The following PTCHD4 variants were observed in gnomAD, a reference collection of about 807,000 sequenced individuals.
PTCHD4 encodes patched domain-containing protein 4.
PTCHD4 carries 33 observed loss-of-function variants against 58.1 expected under a neutral mutation model. That is an observed-to-expected ratio of 0.57 (90% CI 0.43 to 0.76). PTCHD4 has a LOEUF of 0.76. Among genes scored for constraint, PTCHD4 ranks in the 30% least tolerant of loss-of-function variants. PTCHD4 has a pLI of 0.00. For missense variants in PTCHD4, 1,058 were observed against 1,027.1 expected, an observed-to-expected ratio of 1.03 and a Z score of -0.41; for synonymous variants, 478 against 409.6, an observed-to-expected ratio of 1.17 and a Z score of -2.02.
intron 1 of PTCHD4, among the ~76,000 whole-genome samples, chr6:48,095,392 A>G (rs1765444253): frequency 6.6e-6 from 1 of 152,174 alleles, no homozygotes; most frequent in South Asian, 2.1e-4. Flanking sequence ...TCTTTTAAAA[A>G]AGAAATATAG....
At chr6:47,945,129 G>A (rs766022142) in intron 4 of PTCHD4, among the ~76,000 whole-genome samples, 135 of 152,010 alleles carry the variant, frequency 8.9e-4, no homozygotes, top group Middle Eastern at 3.2e-3. Flanking sequence ...CATGGAAACC[G>A]AGAAGGAAAA....
At chr6:48,031,954 T>A (rs1315928217) in intron 3 of PTCHD4, among the ~76,000 whole-genome samples, 1 of 152,140 alleles carries the variant, frequency 6.6e-6, no homozygotes, top group Admixed American at 6.6e-5. Context: ...TCCAGTCAAG[T>A]TGAAGTTGCA....
chr6:48,028,906 C>T (rs569443787), intron 3 of PTCHD4, among the ~76,000 whole-genome samples: 2 of 152,132 alleles, frequency 1.3e-5, no homozygotes, highest in African/African-American at 4.8e-5. Flanking sequence ...AAAGGATTTG[C>T]TCTTTCACTC....
intron 3 of PTCHD4, among the ~76,000 whole-genome samples, chr6:48,056,634 G>A (rs1315610983): frequency 6.6e-6 from 1 of 152,220 alleles, no homozygotes; most frequent in East Asian, 1.9e-4. Flanking sequence ...CATATTAAGA[G>A]TAACTTAAAT....
intron 4 of PTCHD4, among the ~76,000 whole-genome samples, chr6:47,885,259 A>G (rs1764154257): frequency 6.6e-6 from 1 of 152,078 alleles, no homozygotes; most frequent in Admixed American, 6.6e-5. Context: ...AGATGAATAG[A>G]AATAATAAGG....
chr6:47,990,783 TGACAGGAAACAGGTATA>T (rs1405137683), intron 4 of PTCHD4, among the ~76,000 whole-genome samples: 1 of 152,190 alleles, frequency 6.6e-6, no homozygotes, highest in African/African-American at 2.4e-5. Flanking sequence ...TATCTTCAGA[TGACAGGAAACAGGTATA>T]GACATAGGCA....
intron 4 of PTCHD4, among the ~76,000 whole-genome samples, chr6:47,997,182 C>T (rs1205817199): frequency 1.3e-5 from 2 of 152,116 alleles, no homozygotes; most frequent in African/African-American, 4.8e-5. Context: ...TTTCAGTGAT[C>T]TCTTTTGTGT....
At position 47,926,465 on chromosome 6, in the gene PTCHD4, C is replaced by G. The variant is rs184995836; in HGVS notation, c.899-46529G>C. 1.1e-4 allele frequency among the ~76,000 whole-genome samples: 16 copies of G among 152,174 alleles called. No homozygotes were observed. In the East Asian group the frequency reaches 2.9e-3, roughly 28 times the overall value. ...TATGCATTGCTACTCAAAGTGTGTT[C>G]CCTGGATAAGCAGCATCAGCTTGAC... On this transcript the variant is annotated intron_variant, in intron 4 of 4. Coordinates refer to ENST00000339488, the MANE Select transcript of PTCHD4 (RefSeq NM_001384253.1).
chr6:48,110,740 AT>A (rs1765853721), intron 1 of PTCHD4, among the ~76,000 whole-genome samples: 1 of 148,828 alleles, frequency 6.7e-6, no homozygotes, highest in South Asian at 2.1e-4. Context: ...TTAAAGTAAC[AT>A]TTAAAAATAT....
intron 4 of PTCHD4, among the ~76,000 whole-genome samples, chr6:47,913,602 T>C (rs574285837): frequency 1.3e-5 from 2 of 152,238 alleles, no homozygotes; most frequent in East Asian, 1.9e-4. Context: ...CTGGGTTAGA[T>C]TGGTGTAGAT....
At chr6:48,081,286 G>A (rs1379779164) in intron 1 of PTCHD4, among the ~76,000 whole-genome samples, 1 of 152,180 alleles carries the variant, frequency 6.6e-6, no homozygotes, top group Non-Finnish European at 1.5e-5. Context: ...GAATTCACTT[G>A]AAAAATAAGT....
intron 4 of PTCHD4, among the ~76,000 whole-genome samples, chr6:47,913,451 T>A (rs1433183417): frequency 6.6e-6 from 1 of 152,122 alleles, no homozygotes; most frequent in Admixed American, 6.6e-5. Context: ...CTCTTTTATG[T>A]CATAATTTAT....
At chr6:48,000,760 T>C (rs1301149085) in intron 4 of PTCHD4, among the ~76,000 whole-genome samples, 1 of 152,206 alleles carries the variant, frequency 6.6e-6, no homozygotes, top group African/African-American at 2.4e-5. Context: ...GTCTATGAAA[T>C]GACTCCACTT....
At chr6:48,057,398 C>G (rs1345869308) in intron 3 of PTCHD4, among the ~76,000 whole-genome samples, 1 of 152,110 alleles carries the variant, frequency 6.6e-6, no homozygotes, top group African/African-American at 2.4e-5. Context: ...CTGGTTATAT[C>G]CTCCCAGGCA....
chr6:47,881,766 C>T (rs962672182), intron 4 of PTCHD4, among the ~76,000 whole-genome samples: 1 of 152,052 alleles, frequency 6.6e-6, no homozygotes, highest in Non-Finnish European at 1.5e-5. Flanking sequence ...TAGTTTTTAT[C>T]AATTATTAAT....
intron 1 of PTCHD4, among the ~76,000 whole-genome samples, chr6:48,082,325 T>C (rs1030724134): frequency 3.9e-5 from 6 of 152,216 alleles, no homozygotes; most frequent in African/African-American, 1.4e-4. Context: ...TTTCTTTTAT[T>C]CAAGCTCTGG....
intron 1 of PTCHD4, among the ~76,000 whole-genome samples, chr6:48,075,785 A>G (rs1286649457): frequency 6.6e-6 from 1 of 152,206 alleles, no homozygotes; most frequent in African/African-American, 2.4e-5. Context: ...GCTAATGGTC[A>G]TTTAATATTT....
In PTCHD4 at chr6:47,867,011, A is replaced by C. The variant is rs1366952410; in HGVS notation, c.*11292T>G. ...ACCTTTCATACTGATTTATGATGAA[A>C]AGATGATATATTTTACCATAGGGAC... On this transcript the variant is annotated 3_prime_UTR_variant, in exon 5 of 5. Coordinates refer to ENST00000339488, the MANE Select transcript of PTCHD4 (RefSeq NM_001384253.1). Among the ~76,000 whole-genome samples, 1 of 151,846 alleles carries C rather than the reference A, an allele frequency of 6.6e-6. No homozygotes were observed. The highest frequency in any genetic ancestry group is 1.9e-4 in the East Asian group (1 of 5,152).
rs987631323 is a variant in PTCHD4, at chr6:47,859,487, A to G, written c.*18816T>C. 1.3e-5 allele frequency among the ~76,000 whole-genome samples: 2 copies of G among 151,958 alleles called. No homozygotes were observed. The highest frequency in any genetic ancestry group is 1.3e-4 in the Admixed American group (2 of 15,222). Reference sequence around the variant, plus strand: ...AATGAGATACATCTAATATATTTGCAACTGAAACACTTGAAGCTTTCAAGG... The same window carrying G: ...AATGAGATACATCTAATATATTTGCGACTGAAACACTTGAAGCTTTCAAGG... On this transcript the variant is annotated 3_prime_UTR_variant, in exon 5 of 5. Coordinates refer to ENST00000339488, the MANE Select transcript of PTCHD4 (RefSeq NM_001384253.1).
Sources: allele counts gnomAD v4.1 joint callset (sites outside exome capture counted in the v4.1 genomes callset), GRCh38; gene constraint gnomAD v4.1.1; transcripts MANE v1.5; gene names NCBI Gene and HGNC (gene_info 2026-07-23, HGNC 2026-07-21).